Variants in NPVF observed in about 807,000 individuals in gnomAD.
NPVF encodes neuropeptide VF precursor.
Under a neutral mutation model 15.7 loss-of-function variants are expected in NPVF, and 17 were observed. That is an observed-to-expected ratio of 1.08 (90% CI 0.74 to 1.62). The LOEUF (loss-of-function observed/expected upper bound fraction) is 1.62. Among genes scored for constraint, NPVF ranks in the 40% most tolerant of loss-of-function variants. The pLI is 0.00. For missense variants in NPVF, 270 were observed against 225.2 expected (o/e 1.20, Z -1.27); for synonymous variants, 70 against 80.1 (o/e 0.87, Z 0.67).
rs189503727 is a variant in NPVF at position 25,226,509 on chromosome 7, C to T, written c.539+117G>A. 37 of 1,245,500 alleles carry T rather than the reference C, an allele frequency of 3.0e-5. No homozygotes were observed. The Admixed American group carries it at 7.5e-4, about 25-fold the overall frequency. 77.2% of individuals were successfully genotyped at this position (1,245,500 alleles called of 1,614,324 possible). A position where few individuals can be genotyped will look rare whatever the true frequency, so the allele number is the denominator to read the frequency against. On this transcript the variant is annotated intron_variant, in intron 2 of 2. Coordinates refer to ENST00000222674, the MANE Select transcript of NPVF (RefSeq NM_022150.3). The stretch of plus-strand genomic sequence containing the variant: ...TTCCTTGTGTCTTTGCCTCTCTCTC[C>T]TGCTAGGAAACTTACTGTCTTAGAA...
In NPVF at chr7:25,227,023, T is replaced by C. The variant is rs772210789; in HGVS notation, c.142A>G (p.Arg48Gly). The C allele has an allele frequency of 1.2e-5, 20 of 1,604,312 alleles. No homozygotes were observed. The highest frequency in any genetic ancestry group is 1.4e-5 in the Non-Finnish European group (17 of 1,174,778). ...KENYDKYSEP[R>G]GYPKGERSLN... The stretch of plus-strand genomic sequence containing the variant: ...CTTCTTTCCCCTTTTGGGTATCCTC[T>C]AGGCTATAATTAGAAATGACCATTA... Residue 48 changes from arginine (R) to glycine (G), a missense_variant, in exon 2 of 3, where the codon AGA (arginine) becomes GGA (glycine). By Grantham distance (125) the Arg-to-Gly change is moderately radical. Transcript: ENST00000222674.
At position 25,225,171 on chromosome 7, in the gene NPVF, C is replaced by A; in HGVS notation, c.542G>T (p.Arg181Ile). 2 of 1,611,970 alleles carry A rather than the reference C, an allele frequency of 1.2e-6. No homozygotes were observed. The highest frequency in any genetic ancestry group is 2.2e-5 in the South Asian group (2 of 90,972). The part of the protein sequence containing the change: ...IQNPDQKQSR[R>I]LLFKKIDDAE... ...ATCATCTATTTTCTTGAATAGCAGT[C>A]TCCTAAAATGTAAGCAGTATAAAAT... The change falls in exon 3 of 3, where the codon AGA (arginine) becomes ATA (isoleucine). Residue 181 changes from arginine to isoleucine, a missense_variant and splice_region_variant. Physicochemically the swap from Arg to Ile is moderately conservative, Grantham distance 97 (BLOSUM62 -3). Coordinates refer to ENST00000222674, the MANE Select transcript of NPVF (RefSeq NM_022150.3).
Position 25,228,259 on chromosome 7 carries a change from T to A in NPVF, c.138+43A>T, listed in dbSNP as rs1275266637. ...ATCATTAGACTTAGGATTAATATTA[T>A]GTAATTAATGCTACTCACATTAGAG... is the stretch of plus-strand genomic sequence containing the variant. On this transcript the variant is annotated intron_variant, in intron 1 of 2. Coordinates refer to ENST00000222674, the MANE Select transcript of NPVF (RefSeq NM_022150.3). 2.5e-6 allele frequency: 3 copies of A among 1,211,274 alleles called. No individual in the cohort carries two copies. The African/African-American group carries it at 4.6e-5, about 18-fold the overall frequency. The allele number at this position is 1,211,274 out of a possible 1,614,324, so 75.0% of individuals were successfully genotyped here.
rs572474826 is a variant in NPVF, at chr7:25,227,753, T to A, written c.138+549A>T. On this transcript the variant is annotated intron_variant, in intron 1 of 2. Transcript: ENST00000222674. ...AGGAGCTTGTCCATATGGAAATTTT[T>A]AAATGATTGTTTTCTGATTATCCCT... 1.0e-3 allele frequency among the ~76,000 whole-genome samples: 159 copies of A among 152,362 alleles called. 1 individual carries two copies. Among genetic ancestry groups the A allele is most frequent in the Non-Finnish European group, 1.8e-3 (123 of 68,034 alleles).
At chr7:25,228,149 A>C (rs1213616489) in intron 1 of NPVF, among the ~76,000 whole-genome samples, 153 bp downstream of exon 1, 4 of 152,240 alleles carry the variant, frequency 2.6e-5, no homozygotes, top group Admixed American at 2.6e-4. Flanking sequence ...TAAATAAACA[A>C]GTGACATTTA....
rs1448005504 is a variant in NPVF, at chr7:25,226,785, A to G, written c.380T>C (p.Leu127Pro). 6.2e-7 allele frequency: 1 copy of G among 1,614,024 alleles called. No individual in the cohort carries two copies. The highest frequency in any genetic ancestry group is 8.5e-7 in the Non-Finnish European group (1 of 1,180,004). ...EVSLVRRVPN[L>P]PQRFGRTTTA... ...TGTTGTTCTCCCAAACCTTTGGGGCAGGTTAGGAACACGTCTCACGAGGCT... is the reference window on the plus strand; with the variant it reads ...TGTTGTTCTCCCAAACCTTTGGGGCGGGTTAGGAACACGTCTCACGAGGCT... Residue 127 changes from leucine to proline, a missense_variant, in exon 2 of 3, where the codon CTG becomes CCG. Coordinates refer to ENST00000222674, the MANE Select transcript of NPVF (RefSeq NM_022150.3).
At position 25,227,041 on chromosome 7, in the gene NPVF, G is replaced by T; in HGVS notation, c.139-15C>A. 6.3e-7 allele frequency: 1 copy of T among 1,589,378 alleles called. No individual in the cohort carries two copies. Among genetic ancestry groups the T allele is most frequent in the South Asian group, 1.1e-5 (1 of 87,816 alleles). Reference sequence around the variant, plus strand: ...TATCCTCTAGGCTATAATTAGAAATGACCATTACAATAACATACTGTTGTT... The same window carrying T: ...TATCCTCTAGGCTATAATTAGAAATTACCATTACAATAACATACTGTTGTT... On this transcript the variant is annotated splice_polypyrimidine_tract_variant and intron_variant, in intron 1 of 2. Coordinates refer to ENST00000222674, the MANE Select transcript of NPVF (RefSeq NM_022150.3).
rs1783158288 is a variant in NPVF, at chr7:25,228,416, T to C, written c.24A>G (p.Leu8=). 1.9e-6 allele frequency: 3 copies of C among 1,589,766 alleles called. 1 individual carries two copies. Among genetic ancestry groups the C allele is most frequent in the South Asian group, 2.2e-5 (2 of 89,922 alleles). ...AAGTGGCTAAAGTCAATAAAATGAA[T>C]AGTTTTGATGAAATAATTTCCATTT... MEIISSK[L]FILLTLATSS... The change falls in exon 1 of 3, where the codon CTA becomes CTG. Residue 8 remains leucine, a synonymous_variant. Transcript: ENST00000222674.
intron 1 of NPVF, among the ~76,000 whole-genome samples, chr7:25,227,943 TTTTG>T (rs551250404): frequency 1.3e-3 from 205 of 152,338 alleles, no homozygotes; most frequent in Non-Finnish European, 2.4e-3. Flanking sequence ...GAAATGTGTT[TTTTG>T]TTTGTTTGTT....
At chr7:25,226,120 G>C (rs1156421823) in intron 2 of NPVF, among the ~76,000 whole-genome samples, 1 of 152,102 alleles carries the variant, frequency 6.6e-6, no homozygotes, top group African/African-American at 2.4e-5. Flanking sequence ...ATTCTGATGT[G>C]TACATAGGAG....
Position 25,224,978 on chromosome 7 carries a change from C to T in NPVF, c.*144G>A. On this transcript the variant is annotated 3_prime_UTR_variant, in exon 3 of 3. Coordinates refer to ENST00000222674, the MANE Select transcript of NPVF (RefSeq NM_022150.3). ...TAATTTTTTTACAACTTTCAAGATA[C>T]TATTATAGCTGTACTGACAAGGAAA... is the stretch of plus-strand genomic sequence containing the variant. The T allele has an allele frequency of 1.7e-6, 1 of 588,446 alleles. No homozygotes were observed. The highest frequency in any genetic ancestry group is 3.0e-6 in the Non-Finnish European group (1 of 330,814). The allele number at this position is 588,446 out of a possible 1,614,324, so 36.5% of individuals were successfully genotyped here. A position where few individuals can be genotyped will look rare whatever the true frequency, so the allele number is the denominator to read the frequency against.
chr7:25,226,273 C>T (rs1297882374), intron 2 of NPVF, among the ~76,000 whole-genome samples: 5 of 152,178 alleles, frequency 3.3e-5, no homozygotes, highest in African/African-American at 7.2e-5. Context: ...GGGTCCTTTG[C>T]ACCTGAACAA....
intron 1 of NPVF, among the ~76,000 whole-genome samples, chr7:25,227,425 A>C (rs1226302772): frequency 6.6e-6 from 1 of 151,962 alleles, no homozygotes; most frequent in African/African-American, 2.4e-5. Flanking sequence ...CCTCCCACTC[A>C]TTTTTCATGT....
At position 25,226,977 on chromosome 7, in the gene NPVF, T is replaced by G. The variant is rs760434640; in HGVS notation, c.188A>C (p.Lys63Thr). 30 of 1,613,914 alleles carry G rather than the reference T, an allele frequency of 1.9e-5. No homozygotes were observed. Among genetic ancestry groups the G allele is most frequent in the Non-Finnish European group, 2.3e-5 (27 of 1,179,952 alleles). Residue 63 changes from lysine (K) to threonine (T), a missense_variant, in exon 2 of 3, where the codon AAA becomes ACA. By Grantham distance (78) the Lys-to-Thr change is moderately conservative. Coordinates refer to ENST00000222674, the MANE Select transcript of NPVF (RefSeq NM_022150.3). ...AATAACATTTTTTGGTCCCCAATCT[T>G]TTAATTCCTCAAAATTGAGGCTTCT... ...GERSLNFEEL[K>T]DWGPKNVIKM...
At chr7:25,226,209 AT>A (rs1430660408) in intron 2 of NPVF, among the ~76,000 whole-genome samples, 1 of 152,210 alleles carries the variant, frequency 6.6e-6, no homozygotes, top group Admixed American at 6.5e-5. Context: ...AAACACTTTG[AT>A]TAAAAGTTAG....
At chr7:25,227,545 C>T (rs759468840) in intron 1 of NPVF, among the ~76,000 whole-genome samples, 10 of 152,100 alleles carry the variant, frequency 6.6e-5, no homozygotes, top group Non-Finnish European at 1.3e-4. Context: ...CTTTTTTATT[C>T]TATCTTACTC....
intron 1 of NPVF, among the ~76,000 whole-genome samples, chr7:25,227,345 C>T (rs1783143646): frequency 6.6e-6 from 1 of 151,938 alleles, no homozygotes. Context: ...CAGTTATTCT[C>T]TTTTGGTTTT....
chr7:25,226,587 T>C (rs1783131616), intron 2 of NPVF, 39 bp downstream of exon 2: 1 of 1,597,530 alleles, frequency 6.3e-7, no homozygotes, highest in Non-Finnish European at 8.5e-7. Context: ...CACCTCTATA[T>C]AACTGCCCAT....
At chr7:25,228,060 T>G (rs182343408) in intron 1 of NPVF, among the ~76,000 whole-genome samples, 9 of 152,334 alleles carry the variant, frequency 5.9e-5, no homozygotes, top group African/African-American at 2.2e-4. Context: ...TGAAAATTAT[T>G]AATGCGCTGT....
Sources: gnomAD v4.1 joint callset for allele counts (sites outside exome capture counted in the v4.1 genomes callset) on GRCh38, gnomAD v4.1.1 for gene constraint, MANE v1.5 for transcripts, NCBI Gene and HGNC (gene_info 2026-07-23, HGNC 2026-07-21) for gene names.